IFT172: variants seen among roughly 807,000 people sequenced by gnomAD.
IFT172 encodes the protein intraflagellar transport protein 172 homolog.
A neutral mutation model predicts 248.9 loss-of-function variants in IFT172; 164 were observed. That is an observed-to-expected ratio of 0.66 (90% confidence interval 0.58 to 0.75). The LOEUF (loss-of-function observed/expected upper bound fraction) is 0.75. Ranked by LOEUF, IFT172 falls within the 30% of genes least tolerant of loss-of-function variation. IFT172 has a pLI of 0.00. For synonymous variants in IFT172, 729 were observed against 791.6 expected (o/e 0.92, Z 1.33); for missense variants, 1,950 against 2,192.4 (o/e 0.89, Z 2.21).
intron 41 of IFT172, 79 bp downstream of exon 41, chr2:27,447,733 C>T: frequency 1.2e-6 from 2 of 1,604,980 alleles, no homozygotes; most frequent in Non-Finnish European, 1.7e-6. Flanking sequence ...AGGTAAAATA[C>T]ATCTGAGAAT....
chr2:27,471,843 G>A (rs1667595053), intron 15 of IFT172: 3 of 244,464 alleles, frequency 1.2e-5, no homozygotes, highest in Non-Finnish European at 2.4e-5. Context: ...TTCGAGACCA[G>A]CCTGGCCAAC....
rs1024280901 is a variant in IFT172 at position 27,458,628 on chromosome 2, A to T, written c.2877+151T>A. On this transcript the variant is annotated intron_variant, in intron 26 of 47. Transcript: ENST00000260570. The stretch of plus-strand genomic sequence containing the variant: ...CCTCTCTTCATCCCTTCCTTTCCCT[A>T]TGGCTAGGGATCAAAGTGGCTCAGA... The T allele has an allele frequency of 5.0e-6, 4 of 798,236 alleles. No homozygotes were observed. The South Asian group carries it at 7.3e-5, about 15-fold the overall frequency. 49.4% of individuals were successfully genotyped at this position (798,236 alleles called of 1,614,324 possible).
At position 27,454,510 on chromosome 2, in the gene IFT172, T is replaced by C. The variant is rs543919061; in HGVS notation, c.3465+57A>G. 101 of 1,609,332 alleles carry C rather than the reference T, an allele frequency of 6.3e-5. No homozygotes were observed. Among genetic ancestry groups the C allele is most frequent in the Admixed American group, 4.2e-4 (25 of 59,994 alleles). On this transcript the variant is annotated intron_variant, in intron 31 of 47. Transcript: ENST00000260570. The surrounding 1 kb of genome is among the most constrained non-coding windows in gnomAD (Gnocchi z 4.2). ...TGGGGGTCTGCACACCCAGCAGCAG[T>C]GCACTAGGGGATGGAATAAGAGGGC...
intron 27 of IFT172, 44 bp downstream of exon 27, chr2:27,458,082 G>C: frequency 6.2e-7 from 1 of 1,611,800 alleles, no homozygotes; most frequent in Non-Finnish European, 8.5e-7. Context: ...TCCCAGCCTT[G>C]AAATCTCATC....
intron 29 of IFT172, among the ~76,000 whole-genome samples, chr2:27,457,356 G>A (rs1666241663): frequency 6.6e-6 from 1 of 152,174 alleles, no homozygotes; most frequent in Non-Finnish European, 1.5e-5. Context: ...GATCGCTTGA[G>A]CCCAGGAGTT....
intron 40 of IFT172, 107 bp from the exon 41 acceptor site, chr2:27,448,029 G>A (rs941549869): frequency 6.8e-5 from 48 of 710,084 alleles, no homozygotes; most frequent in Admixed American, 1.7e-4. Context: ...GTAGAAATGG[G>A]TATGTGTGTG....
intron 6 of IFT172, 26 bp downstream of exon 6, chr2:27,483,554 T>C (rs756815487): frequency 7.5e-6 from 12 of 1,608,764 alleles, no homozygotes; most frequent in East Asian, 4.5e-5. Flanking sequence ...TTCCAGACTC[T>C]AGTGATACTA....
rs376082123 is a variant in IFT172 at position 27,463,198 on chromosome 2, A to T, written c.1938-17T>A. The T allele has an allele frequency of 3.7e-6, 6 of 1,600,816 alleles. No homozygotes were observed. The highest frequency in any genetic ancestry group is 5.1e-6 in the Non-Finnish European group (6 of 1,167,998). On this transcript the variant is annotated splice_polypyrimidine_tract_variant and intron_variant, in intron 18 of 47. Coordinates refer to ENST00000260570, the MANE Select transcript of IFT172 (RefSeq NM_015662.3). ...GAAAAGCACCTATGGCATGGAAGCA[A>T]TAACATTAATAGTAATATTATTATA...
Position 27,459,517 on chromosome 2 carries a change from G to A in IFT172, c.2648C>T (p.Ser883Phe). ...CAGGGCGGCCTCAATTGCCTTAATG[G>A]AGCACCTGGCAAAGTTGGGAAAGAT... ...AINHYIEARC[S>F]IKAIEAALGA... The change falls in exon 25 of 48, where the codon TCC becomes TTC. Residue 883 changes from serine to phenylalanine, a missense_variant. Ser to Phe is a radical substitution (Grantham distance 155). Transcript: ENST00000260570. 1 of 1,614,056 alleles carries A rather than the reference G, an allele frequency of 6.2e-7. No homozygotes were observed. The highest frequency in any genetic ancestry group is 8.5e-7 in the Non-Finnish European group (1 of 1,180,002).
At chr2:27,458,628 A>G (rs1024280901) in intron 26 of IFT172, 151 bp downstream of exon 26, 7 of 798,118 alleles carry the variant, frequency 8.8e-6, no homozygotes, top group Admixed American at 8.4e-5. Context: ...TCCTTTCCCT[A>G]TGGCTAGGGA....
Position 27,444,515 on chromosome 2 carries a change from G to A in IFT172, c.5167C>T (p.His1723Tyr). 6.2e-7 allele frequency: 1 copy of A among 1,613,312 alleles called. No individual in the cohort carries two copies. Among genetic ancestry groups the A allele is most frequent in the Non-Finnish European group, 8.5e-7 (1 of 1,179,588 alleles). Reference sequence around the variant, plus strand: ...AGCACGTCCTGGCACACTGGGCTGTGGGAGGTCTGTGAGCAAATGGAAGAA... The same window carrying A: ...AGCACGTCCTGGCACACTGGGCTGTAGGAGGTCTGTGAGCAAATGGAAGAA... ...NKFLMAIKTS[H>Y]SPVCQDVLKF... Residue 1723 changes from histidine to tyrosine, a missense_variant, in exon 48 of 48, where the codon CAC becomes TAC. Physicochemically the swap from His to Tyr is moderately conservative, Grantham distance 83 (BLOSUM62 2). Around this residue, in one of 3 missense-constraint regions of IFT172, gnomAD observed 620 missense variants for 699.0 expected, o/e 0.89. Coordinates refer to ENST00000260570, the MANE Select transcript of IFT172 (RefSeq NM_015662.3).
At position 27,465,401 on chromosome 2, in the gene IFT172, T is replaced by C. The variant is rs544892086; in HGVS notation, c.1937+10A>G. 5 of 1,611,344 alleles carry C rather than the reference T, an allele frequency of 3.1e-6. No individual in the cohort carries two copies. The African/African-American group carries it at 5.3e-5, about 17-fold the overall frequency. ...CTGCGTGGCACCTCTGTTCTACATG[T>C]CTACCTCACCTCTCCGCAATGTGTA... On this transcript the variant is annotated intron_variant, in intron 18 of 47. Transcript: ENST00000260570.
In IFT172 at chr2:27,447,463, T is replaced by A. The variant is rs565357115; in HGVS notation, c.4659+52A>T. 3.9e-5 allele frequency: 62 copies of A among 1,597,256 alleles called. No individual in the cohort carries two copies. In the African/African-American group the frequency reaches 7.8e-4, roughly 20 times the overall value. ...ACGTGAATCAATTCAGCTTTATACA[T>A]TTGCAGATGAGCCCTTCTGACTGAG... On this transcript the variant is annotated intron_variant, in intron 42 of 47. Coordinates refer to ENST00000260570, the MANE Select transcript of IFT172 (RefSeq NM_015662.3).
chr2:27,455,768 G>A lies in IFT172; in HGVS notation c.3371+743C>T, dbSNP rs568020294. 3.9e-5 allele frequency: 18 copies of A among 460,258 alleles called. No individual in the cohort carries two copies. In the East Asian group the frequency reaches 9.4e-4, roughly 24 times the overall value. 28.5% of individuals were successfully genotyped at this position (460,258 alleles called of 1,614,324 possible). The stretch of plus-strand genomic sequence containing the variant: ...AATCTGCTCCCATCCTGCCAGTTTG[G>A]TTTTATTGTACTGACAACCTCAGTT... On this transcript the variant is annotated intron_variant, in intron 30 of 47. Transcript: ENST00000260570.
At chr2:27,460,977 T>C in intron 23 of IFT172, 38 bp downstream of exon 23, 1 of 1,613,106 alleles carries the variant, frequency 6.2e-7, no homozygotes. Flanking sequence ...TGGGCAAGAG[T>C]CCACAACAGT....
chr2:27,462,643 CT>C, intron 20 of IFT172, 57 bp downstream of exon 20: 1 of 1,489,452 alleles, frequency 6.7e-7, no homozygotes. Context: ...TTTGTACCCC[CT>C]TTTCTCTCTT....
intron 14 of IFT172, among the ~76,000 whole-genome samples, chr2:27,475,760 G>C (rs942353835): frequency 5.3e-5 from 8 of 150,448 alleles, no homozygotes; most frequent in African/African-American, 2.0e-4. Flanking sequence ...GAGATGGTTT[G>C]ACTCTAGAGT....
chr2:27,472,065 G>A, intron 15 of IFT172, 185 bp downstream of exon 15: 1 of 590,836 alleles, frequency 1.7e-6, no homozygotes, highest in African/African-American at 1.9e-5. Flanking sequence ...AGGTAATAAA[G>A]GATGGGTTTT....
At position 27,445,311 on chromosome 2, in the gene IFT172, G is replaced by A. The variant is rs775285304; in HGVS notation, c.5053C>T (p.Pro1685Ser). The change falls in exon 46 of 48, where the codon CCC becomes TCC. Residue 1685 changes from proline (P) to serine (S), a missense_variant. This residue lies in a region of IFT172 where 620 missense variants were observed against 699.0 expected (regional missense o/e 0.89). Transcript: ENST00000260570. The surrounding 1 kb of genome is among the most constrained non-coding windows in gnomAD (Gnocchi z 4.4). ...VAASTGVRAL[P>S]CLITGYPILR... ...GCTTCTATACCTGTAATAAGGCAGG[G>A]CAGGGCTCGAACACCAGTGCTCGCT... 8.1e-6 allele frequency: 13 copies of A among 1,612,728 alleles called. No individual in the cohort carries two copies. The Admixed American group carries it at 1.2e-4, about 14-fold the overall frequency.
Sources: gnomAD v4.1 joint callset for allele counts (sites outside exome capture counted in the v4.1 genomes callset) on GRCh38, gnomAD v4.1.1 for gene constraint, gnomAD v4.1.1 regional missense constraint, Gnocchi (gnomAD v3.1) non-coding constraint, MANE v1.5 for transcripts, NCBI Gene and HGNC (gene_info 2026-07-23, HGNC 2026-07-21) for gene names.